Variants in NTRK2 observed in about 807,000 individuals in gnomAD.
NTRK2 encodes the protein BDNF/NT-3 growth factors receptor.
In NTRK2, 13 loss-of-function variants were observed where a neutral mutation model predicts 94.5. The ratio of observed to expected loss-of-function variants is 0.14; its 90% CI spans 0.09 to 0.22. The LOEUF is 0.22. NTRK2 is among the 10% of genes least tolerant of loss of function. NTRK2 has a pLI of 1.00. For synonymous variants in NTRK2, 372 were observed against 407.4 expected, an observed-to-expected ratio of 0.91 and a Z score of 1.05; for missense variants, 639 against 1,071.2, an observed-to-expected ratio of 0.60 and a Z score of 5.63.
chr9:84,944,006 G>A (rs1234865678), intron 15 of NTRK2, among the ~76,000 whole-genome samples: 1 of 152,052 alleles, frequency 6.6e-6, no homozygotes, highest in East Asian at 1.9e-4. Context: ...GATGAGGCCA[G>A]GTTTGTGAGA....
intron 14 of NTRK2, among the ~76,000 whole-genome samples, chr9:84,900,289 C>T (rs939731206): frequency 1.3e-5 from 2 of 152,156 alleles, no homozygotes; most frequent in African/African-American, 4.8e-5. Context: ...CAAGGTCTCA[C>T]AGGTAGTAAA....
intron 11 of NTRK2, among the ~76,000 whole-genome samples, chr9:84,747,195 A>G (rs984636453): frequency 6.6e-6 from 1 of 152,174 alleles, no homozygotes; most frequent in Non-Finnish European, 1.5e-5. Context: ...GTATAGAGGT[A>G]TGCATGCATG....
intron 17 of NTRK2, among the ~76,000 whole-genome samples, chr9:85,006,302 T>G (rs910369170): frequency 6.6e-6 from 1 of 152,050 alleles, no homozygotes; most frequent in Non-Finnish European, 1.5e-5. Context: ...GTGGTAGGGG[T>G]GGGAGTGAGC....
At chr9:84,874,052 T>C in intron 14 of NTRK2, 1 of 1,064,064 alleles carries the variant, frequency 9.4e-7, no homozygotes, top group Non-Finnish European at 1.1e-6. Context: ...TGGAGGATCC[T>C]AATGTATTTG....
intron 14 of NTRK2, chr9:84,877,282 G>A: frequency 9.4e-7 from 1 of 1,065,898 alleles, no homozygotes; most frequent in East Asian, 5.0e-5. Context: ...TGTCATTGAG[G>A]GCCTTTGTGC....
intron 17 of NTRK2, among the ~76,000 whole-genome samples, chr9:84,956,828 C>A (rs576489360): frequency 4.3e-5 from 6 of 138,378 alleles, no homozygotes; most frequent in Non-Finnish European, 9.3e-5. Context: ...CTCCATTATT[C>A]TTCATTTGAC....
intron 14 of NTRK2, among the ~76,000 whole-genome samples, chr9:84,921,673 A>G (rs950195745): frequency 8.5e-5 from 13 of 152,216 alleles, no homozygotes; most frequent in African/African-American, 3.1e-4. Flanking sequence ...TGGAATAAAG[A>G]TATAAGGATG....
At chr9:84,907,683 T>C (rs959604177) in intron 14 of NTRK2, among the ~76,000 whole-genome samples, 4 of 142,620 alleles carry the variant, frequency 2.8e-5, no homozygotes, top group African/African-American at 8.1e-5. Flanking sequence ...GGCATTACTC[T>C]TCTTCTTTTT....
rs1396340827 is a variant in NTRK2 at position 84,872,233 on chromosome 9, C to T, written c.1633+4802C>T. Reference sequence around the variant, plus strand: ...AGCTCAAGGGCAGCTGTGTTGCTTTCCTTTCCTTGACTGCTGAGAAACTTT... The same window carrying T: ...AGCTCAAGGGCAGCTGTGTTGCTTTTCTTTCCTTGACTGCTGAGAAACTTT... On this transcript the variant is annotated intron_variant, in intron 14 of 18. Coordinates refer to ENST00000277120, the MANE Select transcript of NTRK2 (RefSeq NM_006180.6). 3 of 1,131,868 alleles carry T rather than the reference C, an allele frequency of 2.7e-6. No individual in the cohort carries two copies. In the African/African-American group the frequency reaches 4.6e-5, roughly 17 times the overall value. 70.1% of individuals were successfully genotyped at this position (1,131,868 alleles called of 1,614,324 possible).
chr9:84,726,344 G>A lies in NTRK2; in HGVS notation c.854-1310G>A, dbSNP rs372463428. Among the ~76,000 whole-genome samples, 89 of 152,174 alleles carry A rather than the reference G, an allele frequency of 5.8e-4. 1 individual carries two copies. In the South Asian group the frequency reaches 0.015, roughly 26 times the overall value. Reference sequence around the variant, plus strand: ...TCTACTAGAAATACTAATATTAGCCGGTCACGATGGCAGGCGCCTGTAATC... The same window carrying A: ...TCTACTAGAAATACTAATATTAGCCAGTCACGATGGCAGGCGCCTGTAATC... On this transcript the variant is annotated intron_variant, in intron 8 of 18. Transcript: ENST00000277120.
At chr9:84,697,772 A>AAGCTGTT (rs1391448529) in intron 2 of NTRK2, among the ~76,000 whole-genome samples, 2 of 152,122 alleles carry the variant, frequency 1.3e-5, no homozygotes, top group Non-Finnish European at 2.9e-5. Flanking sequence ...CAGGGAAAGA[A>AAGCTGTT]AGCTGTTAGC....
chr9:84,767,688 T>C (rs1206832563), intron 12 of NTRK2, among the ~76,000 whole-genome samples: 1 of 152,206 alleles, frequency 6.6e-6, no homozygotes, highest in Non-Finnish European at 1.5e-5. Context: ...TGTCACCTTT[T>C]GGGATCTCCT....
At chr9:84,705,173 A>T (rs1373296641) in intron 4 of NTRK2, among the ~76,000 whole-genome samples, 4 of 151,498 alleles carry the variant, frequency 2.6e-5, no homozygotes, top group Non-Finnish European at 5.9e-5. Flanking sequence ...TTTAAATGGG[A>T]TCCTCTCTCT....
At position 84,870,331 on chromosome 9, in the gene NTRK2, GTATATATATATATATATATATA is replaced by G. The variant is rs1158637577; in HGVS notation, c.1633+2913_1633+2934del. Among the ~76,000 whole-genome samples the G allele has an allele frequency of 2.6e-4, 8 of 31,176 alleles. 1 individual carries two copies. In the East Asian group the frequency reaches 7.8e-3, roughly 30 times the overall value. 20.5% of individuals were successfully genotyped at this position (31,176 alleles called of 152,430 possible). A position where few individuals can be genotyped will look rare whatever the true frequency, so the allele number is the denominator to read the frequency against. On this transcript the variant is annotated intron_variant, in intron 14 of 18. Transcript: ENST00000277120. ...ATACATATATGTGGGGTGTGTGTGT[GTATATATATATATATATATATA>G]TATATATATATAAAACTCTGTCACC...
At chr9:84,889,406 A>G (rs2076531198) in intron 14 of NTRK2, among the ~76,000 whole-genome samples, 2 of 152,260 alleles carry the variant, frequency 1.3e-5, no homozygotes, top group South Asian at 4.2e-4. Context: ...TTTGTATTTT[A>G]TTTTTTATTT....
At chr9:84,845,935 AAAAG>A (rs2074448870) in intron 12 of NTRK2, among the ~76,000 whole-genome samples, 1 of 152,174 alleles carries the variant, frequency 6.6e-6, no homozygotes, top group Non-Finnish European at 1.5e-5. Context: ...TGAAAAAAAA[AAAAG>A]AAGCCATAAA....
intron 14 of NTRK2, among the ~76,000 whole-genome samples, chr9:84,891,351 G>A (rs956397726): frequency 1.3e-4 from 20 of 148,666 alleles, no homozygotes; most frequent in African/African-American, 4.5e-4. Flanking sequence ...GAGATTATAC[G>A]AGAGCATGAA....
chr9:84,677,815 C>G (rs1482086421), intron 2 of NTRK2, among the ~76,000 whole-genome samples: 1 of 151,992 alleles, frequency 6.6e-6, no homozygotes, highest in African/African-American at 2.4e-5. Context: ...TCTGTCTTCC[C>G]CACCCCTATC....
chr9:84,840,201 T>A (rs1350455440), intron 12 of NTRK2, among the ~76,000 whole-genome samples: 5 of 152,118 alleles, frequency 3.3e-5, no homozygotes, highest in African/African-American at 1.2e-4. Flanking sequence ...CCCTTGAATT[T>A]GTCCTGTTTC....
Sources: allele counts gnomAD v4.1 joint callset (sites outside exome capture counted in the v4.1 genomes callset), GRCh38; gene constraint gnomAD v4.1.1; transcripts MANE v1.5; gene names NCBI Gene and HGNC (gene_info 2026-07-23, HGNC 2026-07-21).